The following AMER2 variants were observed in gnomAD, a reference collection of about 807,000 sequenced individuals.
AMER2 encodes APC membrane recruitment protein 2, also known as family with sequence similarity 123A.
A neutral mutation model predicts 4.7 loss-of-function variants in AMER2; 1 was observed. The observed-to-expected ratio is 0.21, with a 90% CI of 0.07 to 1.00. The LOEUF is 1.00. Among genes scored for constraint, AMER2 ranks in the 50% least tolerant of loss-of-function variants. AMER2 has a pLI of 0.60. For synonymous variants in AMER2, 485 were observed against 433.3 expected, an observed-to-expected ratio of 1.12 and a Z score of -1.48; for missense variants, 988 against 966.9, an observed-to-expected ratio of 1.02 and a Z score of -0.29.
rs749812848 is a variant in AMER2, at chr13:25,171,253, GCTC to G, written c.364_366del (p.Glu122del). 9.0e-6 allele frequency: 13 copies of G among 1,445,762 alleles called. No homozygotes were observed. In the African/African-American group the frequency reaches 1.6e-4, roughly 18 times the overall value. The allele number at this position is 1,445,762 out of a possible 1,614,324, so 89.6% of individuals were successfully genotyped here. A position where few individuals can be genotyped will look rare whatever the true frequency, so the allele number is the denominator to read the frequency against. On this transcript the variant is annotated inframe_deletion, in exon 1 of 1. Coordinates refer to ENST00000515384, the MANE Select transcript of AMER2 (RefSeq NM_152704.4). This position sits in a 1 kb window ranked among gnomAD's most constrained non-coding sequence, Gnocchi z 5.9. ...CCGCCGCTGTCGCCCCCGCCGCGCG[GCTC>G]CTCCTTCCTGCCGCTCTCCAGCACC...
At position 25,171,215 on chromosome 13, in the gene AMER2, C is replaced by G; in HGVS notation, c.405G>C (p.Gly135=). The part of the protein sequence containing the change: ...GGGDSGGGGG[G]RPNPGPPRAA... ...CTCTGGGGGGCCCCGGGTTCGGCCG[C>G]CCCCCGCCGCCCCCGCCGCTGTCGC... The change falls in exon 1 of 1, where the codon GGG becomes GGC. Residue 135 remains glycine, a synonymous_variant. Coordinates refer to ENST00000515384, the MANE Select transcript of AMER2 (RefSeq NM_152704.4). The surrounding 1 kb of genome is among the most constrained non-coding windows in gnomAD (Gnocchi z 5.9). The G allele has an allele frequency of 7.3e-7, 1 of 1,369,572 alleles. No homozygotes were observed. Among genetic ancestry groups the G allele is most frequent in the Non-Finnish European group, 9.4e-7 (1 of 1,066,434 alleles). 84.8% of individuals were successfully genotyped at this position (1,369,572 alleles called of 1,614,324 possible).
In AMER2 at chr13:25,169,855, G is replaced by T; in HGVS notation, c.1765C>A (p.Pro589Thr). ...CGCAGTGGACAGGTGATGGTGCCTGGAGATACGGGCTTTAACCGGGACAGG... is the reference window on the plus strand; with the variant it reads ...CGCAGTGGACAGGTGATGGTGCCTGTAGATACGGGCTTTAACCGGGACAGG... ...SSLSRLKPVS[P>T]GTITCPLRTP... is the part of the protein sequence containing the mutation. Residue 589 changes from proline to threonine, a missense_variant, in exon 1 of 1, where the codon CCA (proline) becomes ACA (threonine). Physicochemically the swap from Pro to Thr is conservative, Grantham distance 38. Coordinates refer to ENST00000515384, the MANE Select transcript of AMER2 (RefSeq NM_152704.4). This position sits in a 1 kb window ranked among gnomAD's most constrained non-coding sequence, Gnocchi z 4.2. 1.2e-6 allele frequency: 2 copies of T among 1,614,162 alleles called. No homozygotes were observed. The highest frequency in any genetic ancestry group is 1.7e-6 in the Non-Finnish European group (2 of 1,180,004).
rs1233822255 is a variant in AMER2 at position 25,168,012 on chromosome 13, T to C, written c.*1592A>G. The C allele has an allele frequency of 2.0e-5, 3 of 152,194 alleles. No homozygotes were observed. The highest frequency in any genetic ancestry group is 2.9e-5 in the Non-Finnish European group (2 of 68,012). The allele number at this position is 152,194 out of a possible 1,614,324, so 9.4% of individuals were successfully genotyped here. A position where few individuals can be genotyped will look rare whatever the true frequency, so the allele number is the denominator to read the frequency against. ...TTCACGTGAATATGCATAATCTTCC[T>C]GGTATGATGAATCACCTCCTAGTAG... On this transcript the variant is annotated 3_prime_UTR_variant, in exon 1 of 1. Transcript: ENST00000515384.
At position 25,170,419 on chromosome 13, in the gene AMER2, G is replaced by C. The variant is rs1413730963; in HGVS notation, c.1201C>G (p.Pro401Ala). The change falls in exon 1 of 1, where the codon CCC becomes GCC. Residue 401 changes from proline (P) to alanine (A), a missense_variant. Physicochemically the swap from Pro to Ala is conservative, Grantham distance 27. Transcript: ENST00000515384. This position sits in a 1 kb window ranked among gnomAD's most constrained non-coding sequence, Gnocchi z 7.3. ...EAGPSCDKHV[P>A]GPGKPALSKK... ...GACAGAGCCGGCTTGCCTGGCCCGG[G>C]GACATGCTTGTCACAGCTGGGACCT... 1 of 1,614,144 alleles carries C rather than the reference G, an allele frequency of 6.2e-7. No individual in the cohort carries two copies. The highest frequency in any genetic ancestry group is 8.5e-7 in the Non-Finnish European group (1 of 1,180,018).
chr13:25,171,566 T>G lies in AMER2; in HGVS notation c.54A>C (p.Gly18=). The G allele has an allele frequency of 6.5e-7, 1 of 1,544,050 alleles. No individual in the cohort carries two copies. The highest frequency in any genetic ancestry group is 8.6e-7 in the Non-Finnish European group (1 of 1,157,534). ...TGCAGACCCCCACGGACGCGCCAGC[T>G]CCGCCGCGCTCGCTGACAGCCCCGC... is the stretch of plus-strand genomic sequence containing the variant. The part of the protein sequence containing the change: ...GGGGAVSERG[G]AGASVGVCRR... The change falls in exon 1 of 1, where the codon GGA becomes GGC. Residue 18 remains glycine (G), a synonymous_variant. Coordinates refer to ENST00000515384, the MANE Select transcript of AMER2 (RefSeq NM_152704.4). This position sits in a 1 kb window ranked among gnomAD's most constrained non-coding sequence, Gnocchi z 5.9.
chr13:25,165,852 G>A lies in AMER2; in HGVS notation c.*3752C>T, dbSNP rs767066436. The A allele has an allele frequency of 5.3e-5, 8 of 152,274 alleles. No homozygotes were observed. Among genetic ancestry groups the A allele is most frequent in the African/African-American group, 1.4e-4 (6 of 41,480 alleles). The allele number at this position is 152,274 out of a possible 1,614,324, so 9.4% of individuals were successfully genotyped here. On this transcript the variant is annotated 3_prime_UTR_variant, in exon 1 of 1. Transcript: ENST00000515384. ...CAGCAGGGAATGCATTCCGCCATGC[G>A]GACAGAGCCAACATGCTAGCGTCAT...
chr13:25,171,662 G>A lies in AMER2; in HGVS notation c.-43C>T. ...AGCCGCTTTCGTCAGCAGTGGGCTC[G>A]CGCCAGGCCACTGTCACCCGTATTC... is the stretch of plus-strand genomic sequence containing the variant. On this transcript the variant is annotated 5_prime_UTR_variant, in exon 1 of 1. Transcript: ENST00000515384. This position sits in a 1 kb window ranked among gnomAD's most constrained non-coding sequence, Gnocchi z 5.9. The A allele has an allele frequency of 1.4e-6, 2 of 1,436,452 alleles. No homozygotes were observed. The highest frequency in any genetic ancestry group is 2.6e-5 in the East Asian group (1 of 38,364). 89.0% of individuals were successfully genotyped at this position (1,436,452 alleles called of 1,614,324 possible).
At position 25,171,853 on chromosome 13, in the gene AMER2, G is replaced by T; in HGVS notation, c.-234C>A. ...GCAGGAGCAGGCAACACAGCCGCGAGCTGATTGCAGAAATTCGAGTCGTAA... is the reference window on the plus strand; with the variant it reads ...GCAGGAGCAGGCAACACAGCCGCGATCTGATTGCAGAAATTCGAGTCGTAA... On this transcript the variant is annotated 5_prime_UTR_variant, in exon 1 of 1. Transcript: ENST00000515384. This position sits in a 1 kb window ranked among gnomAD's most constrained non-coding sequence, Gnocchi z 5.9. 1 of 698,234 alleles carries T rather than the reference G, an allele frequency of 1.4e-6. No individual in the cohort carries two copies. The highest frequency in any genetic ancestry group is 2.0e-6 in the Non-Finnish European group (1 of 493,210). The allele number at this position is 698,234 out of a possible 1,614,324, so 43.3% of individuals were successfully genotyped here. A position where few individuals can be genotyped will look rare whatever the true frequency, so the allele number is the denominator to read the frequency against.
Position 25,165,790 on chromosome 13 carries a change from T to C in AMER2, c.*3814A>G, listed in dbSNP as rs995761097. 1 of 152,364 alleles carries C rather than the reference T, an allele frequency of 6.6e-6. No individual in the cohort carries two copies. The highest frequency in any genetic ancestry group is 1.9e-4 in the East Asian group (1 of 5,186). 9.4% of individuals were successfully genotyped at this position (152,364 alleles called of 1,614,324 possible). A position where few individuals can be genotyped will look rare whatever the true frequency, so the allele number is the denominator to read the frequency against. Reference sequence around the variant, plus strand: ...CCCAGCATCAGGGGAGCCAAATCCATATATTTGTAATTCAGGAGAAAAATT... The same window carrying C: ...CCCAGCATCAGGGGAGCCAAATCCACATATTTGTAATTCAGGAGAAAAATT... On this transcript the variant is annotated 3_prime_UTR_variant, in exon 1 of 1. Coordinates refer to ENST00000515384, the MANE Select transcript of AMER2 (RefSeq NM_152704.4).
rs1054863061 is a variant in AMER2, at chr13:25,169,172, G to A, written c.*432C>T. Reference sequence around the variant, plus strand: ...GAAGGAAACGTGTCTTGGAAGAGGAGATCTCCTCTGGTTCTTCAGCGGTTC... The same window carrying A: ...GAAGGAAACGTGTCTTGGAAGAGGAAATCTCCTCTGGTTCTTCAGCGGTTC... On this transcript the variant is annotated 3_prime_UTR_variant, in exon 1 of 1. Transcript: ENST00000515384. The surrounding 1 kb of genome is among the most constrained non-coding windows in gnomAD (Gnocchi z 4.2). 6.5e-6 allele frequency: 1 copy of A among 154,356 alleles called. No individual in the cohort carries two copies. Among genetic ancestry groups the A allele is most frequent in the African/African-American group, 2.4e-5 (1 of 41,518 alleles). The allele number at this position is 154,356 out of a possible 1,614,324, so 9.6% of individuals were successfully genotyped here.
Position 25,171,260 on chromosome 13 carries a change from C to T in AMER2, c.360G>A (p.Lys120=), listed in dbSNP as rs777796402. Residue 120 remains lysine (K), a synonymous_variant, in exon 1 of 1, where the codon AAG becomes AAA. Coordinates refer to ENST00000515384, the MANE Select transcript of AMER2 (RefSeq NM_152704.4). The surrounding 1 kb of genome is among the most constrained non-coding windows in gnomAD (Gnocchi z 5.9). ...TGTCGCCCCCGCCGCGCGGCTCCTCCTTCCTGCCGCTCTCCAGCACCAGCA... is the reference window on the plus strand; with the variant it reads ...TGTCGCCCCCGCCGCGCGGCTCCTCTTTCCTGCCGCTCTCCAGCACCAGCA... ...AEVLVLESGR[K]EEPRGGGDSG... is the part of the protein sequence containing the mutation. 1.3e-6 allele frequency: 2 copies of T among 1,486,532 alleles called. No individual in the cohort carries two copies. Among genetic ancestry groups the T allele is most frequent in the African/African-American group, 2.9e-5 (2 of 68,406 alleles). The allele number at this position is 1,486,532 out of a possible 1,614,324, so 92.1% of individuals were successfully genotyped here.
rs1343847156 is a variant in AMER2 at position 25,169,423 on chromosome 13, T to A, written c.*181A>T. On this transcript the variant is annotated 3_prime_UTR_variant, in exon 1 of 1. Coordinates refer to ENST00000515384, the MANE Select transcript of AMER2 (RefSeq NM_152704.4). The surrounding 1 kb of genome is among the most constrained non-coding windows in gnomAD (Gnocchi z 4.2). ...AACCCCCGTGTAGCATCCCTCTTTC[T>A]GGTGTTATCCGGTCCCTGCTCAGGG... The A allele has an allele frequency of 6.2e-6, 4 of 640,434 alleles. No homozygotes were observed. The African/African-American group carries it at 7.4e-5, about 12-fold the overall frequency. The allele number at this position is 640,434 out of a possible 1,614,324, so 39.7% of individuals were successfully genotyped here. A position where few individuals can be genotyped will look rare whatever the true frequency, so the allele number is the denominator to read the frequency against.
rs1472449074 is a variant in AMER2 at position 25,168,926 on chromosome 13, A to C, written c.*678T>G. The C allele has an allele frequency of 1.3e-5, 2 of 152,634 alleles. No homozygotes were observed. The highest frequency in any genetic ancestry group is 2.9e-5 in the Non-Finnish European group (2 of 68,050). The allele number at this position is 152,634 out of a possible 1,614,324, so 9.5% of individuals were successfully genotyped here. A position where few individuals can be genotyped will look rare whatever the true frequency, so the allele number is the denominator to read the frequency against. ...ACAAATGACTGAAACCAACCAAACC[A>C]AAACTCGCCTTTATTTTCCTAGTGT... On this transcript the variant is annotated 3_prime_UTR_variant, in exon 1 of 1. Coordinates refer to ENST00000515384, the MANE Select transcript of AMER2 (RefSeq NM_152704.4).
rs756388659 is a variant in AMER2, at chr13:25,171,244, C to G, written c.376G>C (p.Gly126Arg). The change falls in exon 1 of 1, where the codon GGG becomes CGG. Residue 126 changes from glycine to arginine, a missense_variant. Coordinates refer to ENST00000515384, the MANE Select transcript of AMER2 (RefSeq NM_152704.4). This position sits in a 1 kb window ranked among gnomAD's most constrained non-coding sequence, Gnocchi z 5.9. ...ESGRKEEPRG[G>R]GDSGGGGGGR... ...CCGCCGCCCCCGCCGCTGTCGCCCC[C>G]GCCGCGCGGCTCCTCCTTCCTGCCG... 1.4e-6 allele frequency: 2 copies of G among 1,414,676 alleles called. No individual in the cohort carries two copies. The highest frequency in any genetic ancestry group is 3.4e-5 in the South Asian group (2 of 58,744). 87.6% of individuals were successfully genotyped at this position (1,414,676 alleles called of 1,614,324 possible). A position where few individuals can be genotyped will look rare whatever the true frequency, so the allele number is the denominator to read the frequency against.
chr13:25,165,957 C>G lies in AMER2; in HGVS notation c.*3647G>C, dbSNP rs575490537. ...AGTGGATCTCTTCACACCAAGCTAACAGTCAAGAGTTGCCTTTAAAATTAA... is the reference window on the plus strand; with the variant it reads ...AGTGGATCTCTTCACACCAAGCTAAGAGTCAAGAGTTGCCTTTAAAATTAA... On this transcript the variant is annotated 3_prime_UTR_variant, in exon 1 of 1. Coordinates refer to ENST00000515384, the MANE Select transcript of AMER2 (RefSeq NM_152704.4). 2 of 152,336 alleles carry G rather than the reference C, an allele frequency of 1.3e-5. No individual in the cohort carries two copies. The highest frequency in any genetic ancestry group is 6.5e-5 in the Admixed American group (1 of 15,294). 9.4% of individuals were successfully genotyped at this position (152,336 alleles called of 1,614,324 possible).
In AMER2 at chr13:25,171,648, TCAG is replaced by T. The variant is rs1196200330; in HGVS notation, c.-32_-30del. The T allele has an allele frequency of 1.7e-5, 25 of 1,450,796 alleles. No individual in the cohort carries two copies. The South Asian group carries it at 3.4e-4, about 20-fold the overall frequency. The allele number at this position is 1,450,796 out of a possible 1,614,324, so 89.9% of individuals were successfully genotyped here. A position where few individuals can be genotyped will look rare whatever the true frequency, so the allele number is the denominator to read the frequency against. The stretch of plus-strand genomic sequence containing the variant: ...AACCGCGCGGGATAAGCCGCTTTCG[TCAG>T]CAGTGGGCTCGCGCCAGGCCACTGT... On this transcript the variant is annotated 5_prime_UTR_variant, in exon 1 of 1. Transcript: ENST00000515384. The surrounding 1 kb of genome is among the most constrained non-coding windows in gnomAD (Gnocchi z 5.9).
chr13:25,171,112 T>C lies in AMER2; in HGVS notation c.508A>G (p.Asn170Asp). ...SHSFFSLLKK[N>D]GRSENGKGEP... The stretch of plus-strand genomic sequence containing the variant: ...CCCTTGCCGTTTTCCGAGCGCCCGT[T>C]CTTCTTCAGCAGCGAGAAGAAGCTG... Residue 170 changes from asparagine to aspartate, a missense_variant, in exon 1 of 1, where the codon AAC (asparagine) becomes GAC (aspartate). Asn to Asp is a conservative substitution (Grantham distance 23, BLOSUM62 1). Coordinates refer to ENST00000515384, the MANE Select transcript of AMER2 (RefSeq NM_152704.4). The surrounding 1 kb of genome is among the most constrained non-coding windows in gnomAD (Gnocchi z 5.9). The C allele has an allele frequency of 6.4e-7, 1 of 1,563,536 alleles. No individual in the cohort carries two copies. Among genetic ancestry groups the C allele is most frequent in the Non-Finnish European group, 8.7e-7 (1 of 1,155,908 alleles).
At position 25,162,932 on chromosome 13, in the gene AMER2, T is replaced by C. The variant is rs557403855; in HGVS notation, c.*6672A>G. On this transcript the variant is annotated 3_prime_UTR_variant, in exon 1 of 1. Coordinates refer to ENST00000515384, the MANE Select transcript of AMER2 (RefSeq NM_152704.4). ...AACATAGTAAACATACAGGATATGT[T>C]AGTAGAATTCAATATAAAATACTCA... 2 of 152,322 alleles carry C rather than the reference T, an allele frequency of 1.3e-5. No homozygotes were observed. The highest frequency in any genetic ancestry group is 4.1e-4 in the South Asian group (2 of 4,824). The allele number at this position is 152,322 out of a possible 1,614,324, so 9.4% of individuals were successfully genotyped here. A position where few individuals can be genotyped will look rare whatever the true frequency, so the allele number is the denominator to read the frequency against.
Position 25,168,614 on chromosome 13 carries a change from G to A in AMER2, c.*990C>T, listed in dbSNP as rs1392283047. The A allele has an allele frequency of 6.6e-6, 1 of 152,128 alleles. No individual in the cohort carries two copies. The highest frequency in any genetic ancestry group is 2.4e-5 in the African/African-American group (1 of 41,360). The allele number at this position is 152,128 out of a possible 1,614,324, so 9.4% of individuals were successfully genotyped here. ...CATAACAGAACATCAATGGTTTGGGGACCATCATCATGTCTAGCTATAAGA... is the reference window on the plus strand; with the variant it reads ...CATAACAGAACATCAATGGTTTGGGAACCATCATCATGTCTAGCTATAAGA... On this transcript the variant is annotated 3_prime_UTR_variant, in exon 1 of 1. Coordinates refer to ENST00000515384, the MANE Select transcript of AMER2 (RefSeq NM_152704.4).
Sources: gnomAD v4.1 joint callset for allele counts on GRCh38, gnomAD v4.1.1 for gene constraint, Gnocchi (gnomAD v3.1) non-coding constraint, MANE v1.5 for transcripts, NCBI Gene and HGNC (gene_info 2026-07-23, HGNC 2026-07-21) for gene names.